The following VRK2 variants were observed in gnomAD, a reference collection of about 807,000 sequenced individuals.
VRK2 encodes the protein serine/threonine-protein kinase VRK2.
Under a neutral mutation model 57.6 loss-of-function variants are expected in VRK2, and 60 were observed. The ratio of observed to expected loss-of-function variants is 1.04; its 90% CI spans 0.85 to 1.29. VRK2 has a LOEUF of 1.29. Ranked by LOEUF, VRK2 falls within the 50% of genes most tolerant of loss-of-function variation. The probability of loss-of-function intolerance (pLI) is 0.00; values close to 1 mark genes in which losing one functional copy is unlikely to be tolerated. For synonymous variants in VRK2, 231 were observed against 199.2 expected (o/e 1.16, Z -1.35); for missense variants, 705 against 588.1 (o/e 1.20, Z -2.06).
chr2:57,999,782 C>A (rs1218838994), intron 1 of VRK2, among the ~76,000 whole-genome samples: 1 of 152,174 alleles, frequency 6.6e-6, no homozygotes, highest in Middle Eastern at 3.2e-3. Flanking sequence ...TAAAACATTT[C>A]ATCTGGAAGT....
chr2:58,133,557 A>G (rs918259095), intron 9 of VRK2, among the ~76,000 whole-genome samples: 99 of 152,022 alleles, frequency 6.5e-4, no homozygotes, highest in African/African-American at 2.3e-3. Context: ...TATGCCTTTT[A>G]TTTTCCTGAC....
At chr2:57,939,055 G>C (rs1168337488) in intron 1 of VRK2, among the ~76,000 whole-genome samples, 3 of 152,120 alleles carry the variant, frequency 2.0e-5, no homozygotes, top group African/African-American at 7.2e-5. Context: ...TGTTTGAAGA[G>C]GGATCTGGAA....
At chr2:57,969,560 C>T (rs1672028248) in intron 1 of VRK2, among the ~76,000 whole-genome samples, 1 of 151,814 alleles carries the variant, frequency 6.6e-6, no homozygotes, top group South Asian at 2.1e-4. Context: ...ATCTTATATA[C>T]AACTTTTATT....
upstream of VRK2, among the ~76,000 whole-genome samples, chr2:58,044,162 T>A (rs1370295029): frequency 6.6e-6 from 1 of 152,250 alleles, no homozygotes; most frequent in Non-Finnish European, 1.5e-5. Context: ...GATGTCTAGC[T>A]GTTCTAACAT....
chr2:57,937,282 T>C (rs571323030), intron 1 of VRK2, among the ~76,000 whole-genome samples: 1 of 152,194 alleles, frequency 6.6e-6, no homozygotes, highest in Non-Finnish European at 1.5e-5. Flanking sequence ...CTGGGGTTCA[T>C]AAGAAAAATA....
intron 12 of VRK2, among the ~76,000 whole-genome samples, chr2:58,147,466 C>G (rs1312654816): frequency 6.6e-6 from 1 of 151,900 alleles, no homozygotes; most frequent in Non-Finnish European, 1.5e-5. Context: ...GGTGACAAAA[C>G]TTAGAGATTC....
chr2:57,930,271 G>A lies in VRK2; in HGVS notation c.-439+22432G>A, dbSNP rs1294292652. Among the ~76,000 whole-genome samples, 8 of 152,170 alleles carry A rather than the reference G, an allele frequency of 5.3e-5. No individual in the cohort carries two copies. In the East Asian group the frequency reaches 1.5e-3, roughly 29 times the overall value. ...GTGATGGGCAATTCTCCTCTGGCTA[G>A]GGCTTGTCTAAATGCTCCTCTGTGT... On this transcript the variant is annotated intron_variant, in intron 1 of 15. Coordinates refer to the VRK2 transcript ENST00000417641.
chr2:58,039,882 G>T (rs1674391734), intron 3 of VRK2, among the ~76,000 whole-genome samples: 1 of 151,176 alleles, frequency 6.6e-6, no homozygotes, highest in South Asian at 2.1e-4. Flanking sequence ...TTTACTATAA[G>T]CATGTATTTT....
chr2:58,132,018 C>A (rs781047850), intron 9 of VRK2, 90 bp downstream of exon 9: 2 of 1,490,696 alleles, frequency 1.3e-6, no homozygotes, highest in East Asian at 2.4e-5. Context: ...GATTGGCATT[C>A]ACCCAACATG....
At chr2:58,048,257 C>G (rs553687584) in intron 1 of VRK2, among the ~76,000 whole-genome samples, 9 of 151,986 alleles carry the variant, frequency 5.9e-5, no homozygotes, top group African/African-American at 2.2e-4. Flanking sequence ...TTTGGCAGCC[C>G]GAGAACTGAT....
intron 1 of VRK2, among the ~76,000 whole-genome samples, chr2:58,006,468 G>A (rs73942275): frequency 0.036 from 5,544 of 152,096 alleles, 359 homozygotes; most frequent in African/African-American, 0.13. Context: ...ATATTGGAAC[G>A]GTCTAGAAGA....
intron 1 of VRK2, among the ~76,000 whole-genome samples, chr2:57,956,157 G>T (rs1226045789): frequency 6.6e-6 from 1 of 152,154 alleles, no homozygotes; most frequent in Non-Finnish European, 1.5e-5. Flanking sequence ...AAGGACGGAG[G>T]ATTGCTTGAG....
chr2:57,931,515 T>C (rs185886594), intron 1 of VRK2, among the ~76,000 whole-genome samples: 1 of 152,314 alleles, frequency 6.6e-6, no homozygotes, highest in Admixed American at 6.5e-5. Context: ...ATTCTGAATA[T>C]TAACCCCATA....
intron 7 of VRK2, among the ~76,000 whole-genome samples, chr2:58,110,247 G>A (rs1675361612): frequency 6.6e-6 from 1 of 152,078 alleles, no homozygotes. Context: ...CATAAATTGG[G>A]GAGAACATGT....
chr2:57,985,887 T>G (rs1326694149), intron 1 of VRK2, among the ~76,000 whole-genome samples: 1 of 152,150 alleles, frequency 6.6e-6, no homozygotes, highest in Admixed American at 6.5e-5. Flanking sequence ...CCGTATCTTA[T>G]ATATAGTAAC....
At chr2:58,052,706 T>A (rs1675936563) in intron 2 of VRK2, among the ~76,000 whole-genome samples, 1 of 152,106 alleles carries the variant, frequency 6.6e-6, no homozygotes, top group Admixed American at 6.5e-5. Context: ...TTTGGTGGAT[T>A]TAACTACTAA....
chr2:57,956,351 T>C (rs1263368862), intron 1 of VRK2, among the ~76,000 whole-genome samples: 2 of 152,180 alleles, frequency 1.3e-5, no homozygotes, highest in African/African-American at 4.8e-5. Flanking sequence ...TGAGACTGCA[T>C]TCCAGCCTGA....
intron 1 of VRK2, among the ~76,000 whole-genome samples, chr2:58,021,596 C>G (rs72949132): frequency 0.036 from 5,524 of 152,176 alleles, 345 homozygotes; most frequent in African/African-American, 0.13. Flanking sequence ...CTCAGTGAAT[C>G]CCTTCCATAT....
chr2:58,032,021 C>T (rs1454621091), intron 2 of VRK2, among the ~76,000 whole-genome samples: 5 of 152,106 alleles, frequency 3.3e-5, no homozygotes, highest in East Asian at 1.9e-4. Flanking sequence ...TCTTCTCTTT[C>T]TGTCTTCCTT....
Sources: allele counts gnomAD v4.1 joint callset (sites outside exome capture counted in the v4.1 genomes callset), GRCh38; gene constraint gnomAD v4.1.1; transcripts MANE v1.5; gene names NCBI Gene and HGNC (gene_info 2026-07-23, HGNC 2026-07-21).